The following TAF12 variants were observed in gnomAD, a reference collection of about 807,000 sequenced individuals.
TAF12 encodes TATA-box binding protein associated factor 12.
TAF12 carries 3 observed loss-of-function variants against 20.8 expected under a neutral mutation model. The observed-to-expected ratio is 0.14, with a 90% CI of 0.07 to 0.37. The LOEUF is 0.37. Among genes scored for constraint, TAF12 ranks in the 10% least tolerant of loss-of-function variants. The pLI is 1.00. For synonymous variants in TAF12, 69 were observed against 70.2 expected (o/e 0.98, Z 0.09); for missense variants, 131 against 197.9 (o/e 0.66, Z 2.03).
rs149193832 is a variant in TAF12, at chr1:28,622,022, C to G, written c.60G>C (p.Pro20=). The change falls in exon 2 of 6, where the codon CCG becomes CCC. Residue 20 remains proline, a synonymous_variant. Transcript: ENST00000373824. ...INLSNFSSIK[P]EPASTPPQGS... is the part of the protein sequence containing the mutation. ...CTTGTGGAGGGGTGCTGGCTGGTTC[C>G]GGTTTTATGGATGAGAAATTGGAGA... 4 of 1,613,856 alleles carry G rather than the reference C, an allele frequency of 2.5e-6. No homozygotes were observed. The African/African-American group carries it at 5.3e-5, about 22-fold the overall frequency.
intron 1 of TAF12, among the ~76,000 whole-genome samples, chr1:28,637,315 C>T (rs1243651978): frequency 6.6e-6 from 1 of 152,046 alleles, no homozygotes; most frequent in African/African-American, 2.4e-5. Context: ...TCTTGGTTCA[C>T]TGCAACCTCC....
At chr1:28,629,341 G>GT (rs1243622753) in intron 1 of TAF12, among the ~76,000 whole-genome samples, 2 of 151,960 alleles carry the variant, frequency 1.3e-5, no homozygotes, top group Non-Finnish European at 2.9e-5. Context: ...TTTTCTTCCT[G>GT]TTTTTTGTTT....
intron 3 of TAF12, among the ~76,000 whole-genome samples, chr1:28,616,809 A>C (rs1162275771): frequency 6.6e-6 from 1 of 152,136 alleles, no homozygotes; most frequent in East Asian, 1.9e-4. Context: ...ATCTACCATA[A>C]TAGGGAATCA....
In TAF12 at chr1:28,603,377, T is replaced by C. The variant is rs1666567131; in HGVS notation, c.*162A>G. On this transcript the variant is annotated 3_prime_UTR_variant, in exon 6 of 6. Coordinates refer to ENST00000373824, the MANE Select transcript of TAF12 (RefSeq NM_005644.4). The stretch of plus-strand genomic sequence containing the variant: ...GTTGGGGTAGGAGGCTTTATTCTTT[T>C]GGCAGATCCTCTCAGTCATTATAGA... 1.5e-6 allele frequency: 1 copy of C among 683,610 alleles called. No individual in the cohort carries two copies. The highest frequency in any genetic ancestry group is 2.7e-5 in the East Asian group (1 of 36,448). The allele number at this position is 683,610 out of a possible 1,614,324, so 42.3% of individuals were successfully genotyped here.
chr1:28,611,698 G>A (rs756262987), intron 4 of TAF12, among the ~76,000 whole-genome samples: 1 of 152,144 alleles, frequency 6.6e-6, no homozygotes, highest in Non-Finnish European at 1.5e-5. Context: ...GGCAGCAGAG[G>A]AAGCATGACC....
chr1:28,644,963 C>A (rs184788287), upstream of TAF12, among the ~76,000 whole-genome samples: 2 of 152,262 alleles, frequency 1.3e-5, no homozygotes, highest in Admixed American at 1.3e-4. Flanking sequence ...GTGGCACAAT[C>A]ATAGTTCACT....
chr1:28,634,036 T>C (rs922413954), intron 1 of TAF12, among the ~76,000 whole-genome samples: 2 of 151,186 alleles, frequency 1.3e-5, no homozygotes, highest in South Asian at 4.2e-4. Flanking sequence ...TTAGCCGAGA[T>C]TGCGCCACTG....
At chr1:28,640,164 CCTAAAT>C (rs1667986450) in intron 1 of TAF12, among the ~76,000 whole-genome samples, 1 of 152,050 alleles carries the variant, frequency 6.6e-6, no homozygotes, top group African/African-American at 2.4e-5. Flanking sequence ...TTCTTGGCCT[CCTAAAT>C]CTAAAATTAA....
Position 28,622,089 on chromosome 1 carries a change from C to G in TAF12, c.-8G>C, listed in dbSNP as rs758834398. 2 of 1,609,582 alleles carry G rather than the reference C, an allele frequency of 1.2e-6. No homozygotes were observed. The highest frequency in any genetic ancestry group is 2.2e-5 in the South Asian group (2 of 90,486). On this transcript the variant is annotated 5_prime_UTR_variant, in exon 2 of 6. Transcript: ENST00000373824. ...GGGGCCAAACTGGTTCATAATCTGC[C>G]GAGCTTTGGACTTCAGCTCATAGAG...
chr1:28,610,968 A>C (rs910485333), intron 4 of TAF12, among the ~76,000 whole-genome samples: 6 of 125,150 alleles, frequency 4.8e-5, no homozygotes, highest in Non-Finnish European at 5.5e-5. Context: ...AAAAAAAAAA[A>C]AAAAAAAAAA....
upstream of TAF12, among the ~76,000 whole-genome samples, chr1:28,647,974 CTT>C (rs1039316546): frequency 1.3e-5 from 2 of 151,954 alleles, no homozygotes; most frequent in African/African-American, 4.8e-5. Context: ...TTCTACAACT[CTT>C]TTCACTCGAT....
chr1:28,609,079 A>C (rs1187210071), intron 4 of TAF12, among the ~76,000 whole-genome samples: 9 of 151,934 alleles, frequency 5.9e-5, no homozygotes. Context: ...AATCTTTTTT[A>C]TTTATTTATT....
In TAF12 at chr1:28,605,266, G is replaced by T. The variant is rs547797439; in HGVS notation, c.450+106C>A. Reference sequence around the variant, plus strand: ...CTTGCTCCAGAGAGTGAAGTTTGCTGTGTGGAGGAAGCGAGGCCCCCTAGA... The same window carrying T: ...CTTGCTCCAGAGAGTGAAGTTTGCTTTGTGGAGGAAGCGAGGCCCCCTAGA... On this transcript the variant is annotated intron_variant, in intron 5 of 5. Coordinates refer to ENST00000373824, the MANE Select transcript of TAF12 (RefSeq NM_005644.4). 7.9e-5 allele frequency: 91 copies of T among 1,154,164 alleles called. 1 individual carries two copies. The South Asian group carries it at 1.1e-3, about 14-fold the overall frequency. 71.5% of individuals were successfully genotyped at this position (1,154,164 alleles called of 1,614,324 possible). A position where few individuals can be genotyped will look rare whatever the true frequency, so the allele number is the denominator to read the frequency against.
chr1:28,611,279 G>A (rs974860001), intron 4 of TAF12, among the ~76,000 whole-genome samples: 1 of 152,014 alleles, frequency 6.6e-6, no homozygotes, highest in East Asian at 1.9e-4. Flanking sequence ...TGGGAGGGAC[G>A]GAGGGAGACG....
chr1:28,632,687 A>G (rs1557471518), intron 1 of TAF12, among the ~76,000 whole-genome samples: 1 of 152,086 alleles, frequency 6.6e-6, no homozygotes, highest in Non-Finnish European at 1.5e-5. Context: ...GTGGTTGTTA[A>G]GGAGTCTGGG....
rs560112973 is a variant in TAF12, at chr1:28,626,377, C to T, written c.-84-4212G>A. ...GGTGGATCACCTGAGGTCAGGAGTTCGAGACCAGCCTGGCCAACATGATGA... is the reference window on the plus strand; with the variant it reads ...GGTGGATCACCTGAGGTCAGGAGTTTGAGACCAGCCTGGCCAACATGATGA... On this transcript the variant is annotated intron_variant, in intron 1 of 5. Transcript: ENST00000373824. Among the ~76,000 whole-genome samples, 14 of 151,690 alleles carry T rather than the reference C, an allele frequency of 9.2e-5. 1 individual carries two copies. In the South Asian group the frequency reaches 2.7e-3, roughly 29 times the overall value.
chr1:28,623,779 C>A (rs1003198775), intron 1 of TAF12, among the ~76,000 whole-genome samples: 2 of 152,184 alleles, frequency 1.3e-5, no homozygotes, highest in African/African-American at 4.8e-5. Flanking sequence ...AGCAATTTTT[C>A]TCTGAGTGTT....
chr1:28,632,594 A>G (rs1667670037), intron 1 of TAF12, among the ~76,000 whole-genome samples: 1 of 152,144 alleles, frequency 6.6e-6, no homozygotes, highest in Admixed American at 6.6e-5. Flanking sequence ...TACTAAGTGA[A>G]AAAGGCAAGG....
At chr1:28,618,863 T>C (rs1667121642) in intron 2 of TAF12, among the ~76,000 whole-genome samples, 1 of 152,136 alleles carries the variant, frequency 6.6e-6, no homozygotes, top group African/African-American at 2.4e-5. Flanking sequence ...GGAAATGTCA[T>C]GTTACATACG....
Sources: allele counts gnomAD v4.1 joint callset (sites outside exome capture counted in the v4.1 genomes callset), GRCh38; gene constraint gnomAD v4.1.1; transcripts MANE v1.5; gene names NCBI Gene and HGNC (gene_info 2026-07-23, HGNC 2026-07-21).